The following ADAMTS14 variants were observed in gnomAD, a reference collection of about 807,000 sequenced individuals.
The protein encoded by ADAMTS14 is ADAM metallopeptidase with thrombospondin type 1 motif 14.
Under a neutral mutation model 128.6 loss-of-function variants are expected in ADAMTS14, and 100 were observed. The ratio of observed to expected loss-of-function variants is 0.78; its 90% CI spans 0.66 to 0.92. The LOEUF (loss-of-function observed/expected upper bound fraction) is 0.92. ADAMTS14 is among the 40% of genes least tolerant of loss of function. The pLI is 0.00. For missense variants in ADAMTS14, 1,562 were observed against 1,658.6 expected (o/e 0.94, Z 1.01); for synonymous variants, 665 against 653.8 (o/e 1.02, Z -0.26).
In ADAMTS14 at chr10:70,759,758, G is replaced by A. The variant is rs553268984; in HGVS notation, c.3179-602G>A. On this transcript the variant is annotated intron_variant, in intron 21 of 21. Coordinates refer to ENST00000373207, the MANE Select transcript of ADAMTS14 (RefSeq NM_080722.4). Reference sequence around the variant, plus strand: ...CCTGTCCCAAGCATGAGTTGCCTGGGGTCTAGCCTGACCCTGGCTGGAGTG... The same window carrying A: ...CCTGTCCCAAGCATGAGTTGCCTGGAGTCTAGCCTGACCCTGGCTGGAGTG... 2.6e-4 allele frequency among the ~76,000 whole-genome samples: 40 copies of A among 152,310 alleles called. No individual in the cohort carries two copies. The Middle Eastern group carries it at 0.01, about 39-fold the overall frequency.
intron 1 of ADAMTS14, among the ~76,000 whole-genome samples, chr10:70,673,370 A>T (rs539053424): frequency 1.3e-5 from 2 of 152,278 alleles, no homozygotes; most frequent in Admixed American, 1.3e-4. Context: ...GCTCCTGCAC[A>T]GAAACACACA....
At chr10:70,732,125 T>C in intron 6 of ADAMTS14, 129 bp from the exon 7 acceptor site, 1 of 805,634 alleles carries the variant, frequency 1.2e-6, no homozygotes, top group Non-Finnish European at 2.1e-6. Context: ...TTTGTGAGCA[T>C]CTGTCTTCCT....
chr10:70,751,370 A>C, intron 16 of ADAMTS14, 108 bp from the exon 17 acceptor site: 1 of 1,107,656 alleles, frequency 9.0e-7, no homozygotes, highest in Non-Finnish European at 1.3e-6. Context: ...CCTAGCTTTC[A>C]CAGGTTCTGC....
rs372121931 is a variant in ADAMTS14 at position 70,745,301 on chromosome 10, G to T, written c.2258G>T (p.Arg753Leu). The T allele has an allele frequency of 1.2e-6, 2 of 1,612,268 alleles. No individual in the cohort carries two copies. Among genetic ancestry groups the T allele is most frequent in the South Asian group, 1.1e-5 (1 of 91,030 alleles). Residue 753 changes from arginine to leucine, a missense_variant, in exon 15 of 22, where the codon CGC (arginine) becomes CTC (leucine). By Grantham distance (102) the Arg-to-Leu change is moderately radical (BLOSUM62 -2). Transcript: ENST00000373207. ...GAGGCACTGGAGAAGTCCCCCCACC[G>T]CATTGGTGAGTGCTGGGGTGCTGGG... is the stretch of plus-strand genomic sequence containing the variant. The part of the protein sequence containing the change: ...QIEALEKSPH[R>L]IVVKNQVTGS...
chr10:70,729,174 T>C, intron 4 of ADAMTS14, 120 bp from the exon 5 acceptor site: 2 of 826,428 alleles, frequency 2.4e-6, no homozygotes, highest in Non-Finnish European at 2.0e-6. Context: ...GTAGGATAAG[T>C]ATCTTGCCTG....
intron 7 of ADAMTS14, among the ~76,000 whole-genome samples, chr10:70,733,103 T>C (rs1157586351): frequency 6.6e-6 from 1 of 152,008 alleles, no homozygotes; most frequent in Non-Finnish European, 1.5e-5. Flanking sequence ...CCAGCTCTGC[T>C]CCTCCAGGCA....
chr10:70,699,288 T>C (rs1301406898), intron 2 of ADAMTS14, among the ~76,000 whole-genome samples: 3 of 152,188 alleles, frequency 2.0e-5, no homozygotes, highest in Admixed American at 2.0e-4. Flanking sequence ...GGTCTAACAT[T>C]ACTGCCTACC....
intron 3 of ADAMTS14, among the ~76,000 whole-genome samples, chr10:70,704,625 CAT>C (rs756970647): frequency 6.7e-6 from 1 of 149,920 alleles, no homozygotes; most frequent in African/African-American, 2.5e-5. Context: ...CACGATCACA[CAT>C]AGACACACAC....
At chr10:70,691,499 A>C (rs77585795) in intron 2 of ADAMTS14, among the ~76,000 whole-genome samples, 38,137 of 141,308 alleles carry the variant, frequency 0.27, 9,998 homozygotes, top group Non-Finnish European at 0.39. Context: ...AAAAAAAAAA[A>C]AAAAAAAAAA....
chr10:70,676,644 G>A (rs1335934780), intron 2 of ADAMTS14, among the ~76,000 whole-genome samples: 1 of 152,206 alleles, frequency 6.6e-6, no homozygotes, highest in Non-Finnish European at 1.5e-5. Context: ...CAGGGCAGCT[G>A]GGGGAGCCTA....
intron 11 of ADAMTS14, among the ~76,000 whole-genome samples, chr10:70,740,606 A>G (rs780779919): frequency 1.3e-5 from 2 of 152,154 alleles, no homozygotes; most frequent in African/African-American, 4.8e-5. Context: ...TGAGTCGTTT[A>G]TGGGGGCCTG....
intron 15 of ADAMTS14, 59 bp downstream of exon 15, chr10:70,745,365 G>A (rs1422036717): frequency 6.3e-7 from 1 of 1,575,798 alleles, no homozygotes; most frequent in Non-Finnish European, 8.7e-7. Context: ...CTCTGACTTG[G>A]GGGAGCTGGG....
rs1842622272 is a variant in ADAMTS14 at position 70,761,955 on chromosome 10, G to T, written c.*1102G>T. 1 of 152,692 alleles carries T rather than the reference G, an allele frequency of 6.5e-6. No individual in the cohort carries two copies. The highest frequency in any genetic ancestry group is 1.5e-5 in the Non-Finnish European group (1 of 68,104). 9.5% of individuals were successfully genotyped at this position (152,692 alleles called of 1,614,324 possible). On this transcript the variant is annotated 3_prime_UTR_variant, in exon 22 of 22. Transcript: ENST00000373207. ...CCCAGGCCAAGTGCCCCAGGGCAGG[G>T]TGCCAGCCCCTGGCCTGGTGCTGGA... is the stretch of plus-strand genomic sequence containing the variant.
chr10:70,711,944 A>C (rs1385713771), intron 4 of ADAMTS14, among the ~76,000 whole-genome samples: 1 of 152,130 alleles, frequency 6.6e-6, no homozygotes, highest in East Asian at 1.9e-4. Flanking sequence ...GGGGCTAGAA[A>C]GTCTGTCCCT....
At chr10:70,736,620 C>A in intron 9 of ADAMTS14, 60 bp from the exon 10 acceptor site, 2 of 1,515,782 alleles carry the variant, frequency 1.3e-6, no homozygotes, top group Non-Finnish European at 1.8e-6. Flanking sequence ...TCCATCACTA[C>A]CCTTTGTTCT....
At position 70,741,150 on chromosome 10, in the gene ADAMTS14, G is replaced by A. The variant is rs376620325; in HGVS notation, c.1912G>A (p.Glu638Lys). The A allele has an allele frequency of 1.5e-5, 24 of 1,612,824 alleles. No individual in the cohort carries two copies. The highest frequency in any genetic ancestry group is 2.0e-5 in the Non-Finnish European group (24 of 1,179,590). ...QNAKHSWVPY[E>K]PDDDAQKCEL... ...TGCCAAGCACAGCTGGGTGCCCTAC[G>A]AGCCTGACGATGGTGAGTGGGCCCC... is the stretch of plus-strand genomic sequence containing the variant. The change falls in exon 12 of 22, where the codon GAG becomes AAG. Residue 638 changes from glutamate to lysine, a missense_variant. Coordinates refer to ENST00000373207, the MANE Select transcript of ADAMTS14 (RefSeq NM_080722.4).
At position 70,679,096 on chromosome 10, in the gene ADAMTS14, A is replaced by T. The variant is rs113354052; in HGVS notation, c.522+4101A>T. On this transcript the variant is annotated intron_variant, in intron 2 of 21. Coordinates refer to ENST00000373207, the MANE Select transcript of ADAMTS14 (RefSeq NM_080722.4). ...CCCAGACATAAAAGCAAACTTGAGAATCTAGTGAGAGGCAGCAGGAGAAGG... is the reference window on the plus strand; with the variant it reads ...CCCAGACATAAAAGCAAACTTGAGATTCTAGTGAGAGGCAGCAGGAGAAGG... Among the ~76,000 whole-genome samples the T allele has an allele frequency of 4.1e-4, 62 of 152,300 alleles. 2 individuals carry two copies. The highest frequency in any genetic ancestry group is 1.4e-3 in the African/African-American group (60 of 41,564).
intron 19 of ADAMTS14, among the ~76,000 whole-genome samples, chr10:70,754,479 C>T (rs574683060): frequency 3.9e-5 from 6 of 151,956 alleles, no homozygotes; most frequent in Admixed American, 2.0e-4. Context: ...AGTAGTGGGT[C>T]GATGTGGTGG....
intron 4 of ADAMTS14, among the ~76,000 whole-genome samples, chr10:70,721,831 G>A (rs1422995746): frequency 6.6e-6 from 1 of 152,220 alleles, no homozygotes; most frequent in Non-Finnish European, 1.5e-5. Flanking sequence ...ACCTTTCCAT[G>A]CAGCATTGCC....
Sources: gnomAD v4.1 joint callset for allele counts (sites outside exome capture counted in the v4.1 genomes callset) on GRCh38, gnomAD v4.1.1 for gene constraint, MANE v1.5 for transcripts, NCBI Gene and HGNC (gene_info 2026-07-23, HGNC 2026-07-21) for gene names.